Variants in PRKG1 observed in about 807,000 individuals in gnomAD.
PRKG1 encodes cGMP-dependent protein kinase 1.
A neutral mutation model predicts 88.1 loss-of-function variants in PRKG1; 35 were observed. The ratio of observed to expected loss-of-function variants is 0.40; its 90% confidence interval spans 0.30 to 0.53. The LOEUF (loss-of-function observed/expected upper bound fraction) is 0.53, where lower values mean the gene tolerates loss of function less well. Among genes scored for constraint, PRKG1 ranks in the 20% least tolerant of loss-of-function variants. PRKG1 has a pLI of 0.59. For synonymous variants in PRKG1, 303 were observed against 292.5 expected, an observed-to-expected ratio of 1.04 and a Z score of -0.37; for missense variants, 540 against 839.8, an observed-to-expected ratio of 0.64 and a Z score of 4.41.
intron 9 of PRKG1, among the ~76,000 whole-genome samples, chr10:52,215,600 G>T (rs1049608355): frequency 6.6e-6 from 1 of 152,000 alleles, no homozygotes; most frequent in East Asian, 1.9e-4. Flanking sequence ...CACTTTGGTG[G>T]TATTCATACA....
intron 2 of PRKG1, among the ~76,000 whole-genome samples, chr10:51,171,819 G>C (rs1408271456): frequency 6.6e-6 from 1 of 151,976 alleles, no homozygotes; most frequent in East Asian, 1.9e-4. Context: ...CACTGTTCCA[G>C]CACACAGCAC....
At chr10:51,348,820 C>A (rs543573112) in intron 2 of PRKG1, among the ~76,000 whole-genome samples, 39 of 152,264 alleles carry the variant, frequency 2.6e-4, no homozygotes, top group African/African-American at 9.1e-4. Context: ...TTCAGTGTGA[C>A]TGGTATGTCA....
chr10:51,216,413 C>G (rs1462559295), intron 2 of PRKG1, among the ~76,000 whole-genome samples: 1 of 152,164 alleles, frequency 6.6e-6, no homozygotes, highest in Admixed American at 6.5e-5. Flanking sequence ...GACTCCGGAG[C>G]CAGACTGCCT....
chr10:52,148,830 A>T (rs958993624), intron 8 of PRKG1, among the ~76,000 whole-genome samples: 1 of 152,114 alleles, frequency 6.6e-6, no homozygotes, highest in African/African-American at 2.4e-5. Flanking sequence ...AAGTTGTAAT[A>T]AGGGTGAAAG....
intron 9 of PRKG1, among the ~76,000 whole-genome samples, chr10:52,211,893 A>G (rs1188500991): frequency 6.6e-6 from 1 of 152,068 alleles, no homozygotes; most frequent in African/African-American, 2.4e-5. Flanking sequence ...ACTTGTATGA[A>G]AAGATTTCTA....
At chr10:51,902,075 C>A (rs900526787) in intron 4 of PRKG1, among the ~76,000 whole-genome samples, 1 of 151,928 alleles carries the variant, frequency 6.6e-6, no homozygotes, top group Non-Finnish European at 1.5e-5. Context: ...ATAATCTATT[C>A]TTAAATTAAG....
At chr10:51,708,274 C>A (rs1409820483) in intron 3 of PRKG1, among the ~76,000 whole-genome samples, 7 of 152,090 alleles carry the variant, frequency 4.6e-5, no homozygotes, top group Admixed American at 1.3e-4. Context: ...TGTAGGAACA[C>A]CCATTGTATT....
chr10:51,227,690 A>G (rs978627858), intron 2 of PRKG1, among the ~76,000 whole-genome samples: 5 of 152,326 alleles, frequency 3.3e-5, no homozygotes, highest in Admixed American at 1.3e-4. Flanking sequence ...AAGAAAAGCC[A>G]GAGTTCAGCA....
chr10:51,627,755 G>A (rs976127256), intron 3 of PRKG1, among the ~76,000 whole-genome samples: 1 of 152,066 alleles, frequency 6.6e-6, no homozygotes, highest in Admixed American at 6.5e-5. Context: ...TCTGAGACTT[G>A]AAAGTGCTTG....
chr10:51,788,121 T>A (rs1838774889), intron 3 of PRKG1, among the ~76,000 whole-genome samples: 1 of 152,194 alleles, frequency 6.6e-6, no homozygotes, highest in Non-Finnish European at 1.5e-5. Context: ...TTAAACAGAA[T>A]CTTTCTAGAA....
intron 3 of PRKG1, among the ~76,000 whole-genome samples, chr10:51,752,754 T>C (rs1837759402): frequency 6.6e-6 from 1 of 152,180 alleles, no homozygotes; most frequent in African/African-American, 2.4e-5. Flanking sequence ...AAGTTAAAAG[T>C]CTGTTTGAAA....
At chr10:51,587,879 C>T (rs1361917305) in intron 3 of PRKG1, among the ~76,000 whole-genome samples, 4 of 152,174 alleles carry the variant, frequency 2.6e-5, no homozygotes, top group Admixed American at 1.3e-4. Flanking sequence ...AATGGACATA[C>T]TAAGAGATTA....
intron 2 of PRKG1, among the ~76,000 whole-genome samples, chr10:51,221,898 G>A (rs1275338293): frequency 1.5e-5 from 2 of 132,956 alleles, no homozygotes; most frequent in Non-Finnish European, 3.1e-5. Context: ...TTTTTTGAGA[G>A]GGAGTTTCAC....
chr10:52,262,523 G>A (rs191725306), intron 10 of PRKG1, among the ~76,000 whole-genome samples: 158 of 152,106 alleles, frequency 1.0e-3, no homozygotes, highest in African/African-American at 3.5e-3. Context: ...TGCCCATCTC[G>A]GCCTCCCAAA....
chr10:51,810,718 A>G (rs186401243), intron 4 of PRKG1, among the ~76,000 whole-genome samples: 2 of 151,824 alleles, frequency 1.3e-5, no homozygotes, highest in East Asian at 3.9e-4. Flanking sequence ...TTAAAAAAAT[A>G]TGACTTTGTT....
intron 2 of PRKG1, among the ~76,000 whole-genome samples, chr10:51,167,447 T>G (rs1054254889): frequency 6.6e-6 from 1 of 152,182 alleles, no homozygotes; most frequent in Non-Finnish European, 1.5e-5. Flanking sequence ...AGACTGCTTT[T>G]CTAAGAGATT....
At chr10:51,638,945 G>C (rs568834306) in intron 3 of PRKG1, among the ~76,000 whole-genome samples, 60 of 152,290 alleles carry the variant, frequency 3.9e-4, no homozygotes, top group African/African-American at 1.4e-3. Flanking sequence ...AAAGAAGATT[G>C]TAAGTTCTAC....
intron 4 of PRKG1, among the ~76,000 whole-genome samples, chr10:51,870,254 A>G (rs1387321091): frequency 6.6e-6 from 1 of 152,102 alleles, no homozygotes; most frequent in Admixed American, 6.5e-5. Flanking sequence ...AAGTGACCCA[A>G]TGTGAATTGG....
In PRKG1 at chr10:51,793,966, A is replaced by T. The variant is rs569895419; in HGVS notation, c.593-10619A>T. On this transcript the variant is annotated intron_variant, in intron 3 of 17. Coordinates refer to ENST00000373980, the MANE Select transcript of PRKG1 (RefSeq NM_006258.4). ...TTTAGTAGAGACAGGATTTCACCATATTGGCCAGGCTGGTCTCAAACCCCT... is the reference window on the plus strand; with the variant it reads ...TTTAGTAGAGACAGGATTTCACCATTTTGGCCAGGCTGGTCTCAAACCCCT... Among the ~76,000 whole-genome samples the T allele has an allele frequency of 3.9e-5, 6 of 151,960 alleles. No homozygotes were observed. The East Asian group carries it at 1.2e-3, about 30-fold the overall frequency.
Sources: allele counts gnomAD v4.1 joint callset (sites outside exome capture counted in the v4.1 genomes callset), GRCh38; gene constraint gnomAD v4.1.1; transcripts MANE v1.5; gene names NCBI Gene and HGNC (gene_info 2026-07-23, HGNC 2026-07-21).